Variants in SPMIP2 observed in about 807,000 individuals in gnomAD.
SPMIP2 encodes protein SPMIP2.
chr4:158,909,824 C>T, the SPMIP2 span, among the ~76,000 whole-genome samples: 19 of 152,202 alleles, frequency 1.2e-4, no homozygotes, highest in African/African-American at 4.1e-4. Flanking sequence ...GGGCAGATCA[C>T]GAGGTCAGGA....
At chr4:158,965,921 T>C in the SPMIP2 span, among the ~76,000 whole-genome samples, 1 of 152,182 alleles carries the variant, frequency 6.6e-6, no homozygotes, top group African/African-American at 2.4e-5. Flanking sequence ...ATTGATGTTG[T>C]CAGTACAAAG....
At chr4:158,923,552 A>AT in the SPMIP2 span, among the ~76,000 whole-genome samples, 96,811 of 151,678 alleles carry the variant, frequency 0.64, 31,305 homozygotes, top group East Asian at 0.9. Context: ...AATACAATTG[A>AT]TTTTGTATCT....
chr4:159,082,494 T>TG, the SPMIP2 span, among the ~76,000 whole-genome samples: 5 of 151,228 alleles, frequency 3.3e-5, no homozygotes, highest in Admixed American at 6.6e-5. Context: ...TGTGTGTGTG[T>TG]TTTGAACCTG....
the SPMIP2 span, among the ~76,000 whole-genome samples, chr4:159,070,122 C>T: frequency 6.6e-6 from 1 of 151,900 alleles, no homozygotes; most frequent in Non-Finnish European, 1.5e-5. Flanking sequence ...GTTCTTATTA[C>T]ACCCTGCCCC....
chr4:159,061,667 T>C, the SPMIP2 span, among the ~76,000 whole-genome samples: 1 of 151,792 alleles, frequency 6.6e-6, no homozygotes, highest in African/African-American at 2.4e-5. Flanking sequence ...AAAAATTAGC[T>C]GGGGGTGGTG....
At chr4:158,966,335 T>C in the SPMIP2 span, among the ~76,000 whole-genome samples, 1 of 152,164 alleles carries the variant, frequency 6.6e-6, no homozygotes, top group Non-Finnish European at 1.5e-5. Context: ...AAAACTACAG[T>C]CATAAATTTA....
chr4:158,902,595 C>T, the SPMIP2 span, among the ~76,000 whole-genome samples: 1 of 152,196 alleles, frequency 6.6e-6, no homozygotes, highest in Non-Finnish European at 1.5e-5. Context: ...GCCGCCCCTT[C>T]CCCCAGGTGC....
the SPMIP2 span, among the ~76,000 whole-genome samples, chr4:159,000,494 C>CTTTTTT: frequency 7.7e-6 from 1 of 129,996 alleles, no homozygotes; most frequent in Non-Finnish European, 1.6e-5. Context: ...TCTTCTTCTT[C>CTTTTTT]TTTTTTTTTT....
the SPMIP2 span, among the ~76,000 whole-genome samples, chr4:159,064,950 T>C: frequency 2.0e-5 from 3 of 152,234 alleles, no homozygotes; most frequent in African/African-American, 7.2e-5. Context: ...CATTGAGTTT[T>C]CTATTTGGTT....
the SPMIP2 span, among the ~76,000 whole-genome samples, chr4:159,014,912 G>A: frequency 5.3e-5 from 8 of 152,156 alleles, no homozygotes; most frequent in Admixed American, 2.6e-4. Context: ...CATGCAGCCC[G>A]TGGGCCACTG....
chr4:158,954,468 A>G, the SPMIP2 span, among the ~76,000 whole-genome samples: 1 of 152,156 alleles, frequency 6.6e-6, no homozygotes, highest in Non-Finnish European at 1.5e-5. Context: ...GCAGTGTGAA[A>G]ACGGACTAAT....
the SPMIP2 span, among the ~76,000 whole-genome samples, chr4:159,008,801 C>T: frequency 6.6e-6 from 1 of 152,170 alleles, no homozygotes; most frequent in Non-Finnish European, 1.5e-5. Flanking sequence ...TCCAAGAATA[C>T]ACTTCATTTC....
chr4:159,050,328 G>A, the SPMIP2 span, among the ~76,000 whole-genome samples: 13 of 151,128 alleles, frequency 8.6e-5, no homozygotes, highest in Admixed American at 8.6e-4. Context: ...GAATGGAAAG[G>A]GAGGTGTGAT....
chr4:158,897,553 A>G, the SPMIP2 span, among the ~76,000 whole-genome samples: 1 of 152,194 alleles, frequency 6.6e-6, no homozygotes, highest in Non-Finnish European at 1.5e-5. Flanking sequence ...GTGAGATGGT[A>G]TCTCATTGTG....
chr4:159,052,938 CTAT>C, the SPMIP2 span, among the ~76,000 whole-genome samples: 121 of 127,078 alleles, frequency 9.5e-4, 1 homozygote, highest in Middle Eastern at 8.3e-3. Context: ...GCCTGGTCGA[CTAT>C]TATTATTATT....
chr4:158,976,934 A>G, the SPMIP2 span, among the ~76,000 whole-genome samples: 17 of 152,250 alleles, frequency 1.1e-4, no homozygotes, highest in African/African-American at 4.1e-4. Flanking sequence ...TGCTGGGATT[A>G]CAGGCATGAG....
At chr4:158,906,277 G>A in the SPMIP2 span, 10 of 152,130 alleles carry the variant, frequency 6.6e-5, no homozygotes, top group African/African-American at 1.2e-4. Flanking sequence ...TTCTCATTAC[G>A]TGTAAATAAA....
At chr4:158,986,695 C>G in the SPMIP2 span, among the ~76,000 whole-genome samples, 1 of 152,182 alleles carries the variant, frequency 6.6e-6, no homozygotes, top group African/African-American at 2.4e-5. Context: ...AAAACCTAGG[C>G]ATTACCATTC....
At chr4:159,023,664 A>C in the SPMIP2 span, among the ~76,000 whole-genome samples, 1 of 152,214 alleles carries the variant, frequency 6.6e-6, no homozygotes, top group Non-Finnish European at 1.5e-5. Context: ...AATGTTCACA[A>C]AGAACCCCAA....
Sources: allele counts gnomAD v4.1 joint callset (sites outside exome capture counted in the v4.1 genomes callset), GRCh38; gene constraint gnomAD v4.1.1; transcripts MANE v1.5; gene names NCBI Gene and HGNC (gene_info 2026-07-23, HGNC 2026-07-21).